The following GBE1 variants were observed in gnomAD, a reference collection of about 807,000 sequenced individuals.
GBE1 encodes the protein 1,4-alpha-glucan-branching enzyme.
In GBE1, 70 loss-of-function variants were observed where a neutral mutation model predicts 88.8. The observed-to-expected ratio is 0.79, with a 90% CI of 0.65 to 0.96. The LOEUF is 0.96. Among genes scored for constraint, GBE1 ranks in the 40% least tolerant of loss-of-function variants. GBE1 has a pLI of 0.00. For missense variants in GBE1, 872 were observed against 871.0 expected (o/e 1.00, Z -0.01); for synonymous variants, 284 against 300.1 (o/e 0.95, Z 0.56).
In GBE1 at chr3:81,750,607, A is replaced by G. The variant is rs1487205038; in HGVS notation, c.143+10768T>C. Among the ~76,000 whole-genome samples, 10 of 80,138 alleles carry G rather than the reference A, an allele frequency of 1.2e-4. 2 individuals carry two copies. The South Asian group carries it at 2.2e-3, about 18-fold the overall frequency. The allele number at this position is 80,138 out of a possible 152,430, so 52.6% of individuals were successfully genotyped here. A position where few individuals can be genotyped will look rare whatever the true frequency, so the allele number is the denominator to read the frequency against. ...TATATACGTATATATATATGTGTAT[A>G]TATATATATGTATATATATATACGT... On this transcript the variant is annotated intron_variant, in intron 1 of 15. Transcript: ENST00000429644.
At chr3:81,619,979 C>T (rs952400415) in intron 7 of GBE1, among the ~76,000 whole-genome samples, 1 of 151,764 alleles carries the variant, frequency 6.6e-6, no homozygotes, top group South Asian at 2.1e-4. Flanking sequence ...AAAACATATA[C>T]ATTTATGAGC....
intron 7 of GBE1, among the ~76,000 whole-genome samples, chr3:81,625,183 C>CTTGATAGAAGA (rs1483989539): frequency 1.3e-5 from 2 of 151,912 alleles, no homozygotes; most frequent in Non-Finnish European, 2.9e-5. Flanking sequence ...TCACTCCTGC[C>CTTGATAGAAGA]TTGATAGAAG....
intron 1 of GBE1, among the ~76,000 whole-genome samples, chr3:81,750,525 A>ATATATATATATACG (rs1294060859): frequency 1.2e-5 from 1 of 80,742 alleles, no homozygotes; most frequent in Non-Finnish European, 2.1e-5. Flanking sequence ...CAAAACATTC[A>ATATATATATATACG]TATATATATA....
intron 1 of GBE1, among the ~76,000 whole-genome samples, chr3:81,750,583 ATATACG>A (rs1156807549): frequency 0.012 from 689 of 58,932 alleles, 75 homozygotes; most frequent in East Asian, 0.073. Flanking sequence ...ATACGTATAT[ATATACG>A]TATATATATA....
intron 1 of GBE1, among the ~76,000 whole-genome samples, chr3:81,749,229 A>C (rs1365013493): frequency 1.3e-5 from 2 of 152,108 alleles, no homozygotes; most frequent in Non-Finnish European, 2.9e-5. Flanking sequence ...AACAAACTGG[A>C]TGGATGGTAC....
intron 7 of GBE1, chr3:81,613,010 G>T: frequency 1.8e-6 from 1 of 546,804 alleles, no homozygotes; most frequent in South Asian, 1.9e-5. Context: ...TAGGGGATAA[G>T]GATGAAGGTG....
Position 81,548,411 on chromosome 3 carries a change from A to G in GBE1, c.1619-11316T>C. ...CAAAAATCATACAGGAAGCACTGTC[A>G]CATGTGAAATAGTGTTTGGCTTTCT... is the stretch of plus-strand genomic sequence containing the variant. On this transcript the variant is annotated intron_variant, in intron 12 of 15. Coordinates refer to ENST00000429644, the MANE Select transcript of GBE1 (RefSeq NM_000158.4). 1.3e-5 allele frequency among the ~76,000 whole-genome samples: 2 copies of G among 151,488 alleles called. 1 individual carries two copies.
intron 12 of GBE1, among the ~76,000 whole-genome samples, chr3:81,559,221 C>T (rs974996042): frequency 1.3e-5 from 2 of 151,902 alleles, no homozygotes; most frequent in Non-Finnish European, 2.9e-5. Context: ...AATGCGAATG[C>T]CTAGGCTAGG....
intron 2 of GBE1, among the ~76,000 whole-genome samples, chr3:81,690,559 T>C (rs1705505503): frequency 6.6e-6 from 1 of 152,210 alleles, no homozygotes; most frequent in South Asian, 2.1e-4. Flanking sequence ...TAGTAAATTT[T>C]TCCAATATAT....
chr3:81,733,561 C>A lies in GBE1; in HGVS notation c.143+27814G>T, dbSNP rs958953426. ...GTAGAGGCTTTTGCACTGGCCATTT[C>A]TTAGGTCTGGTACACTCTTCCACCA... On this transcript the variant is annotated intron_variant, in intron 1 of 15. Coordinates refer to ENST00000429644, the MANE Select transcript of GBE1 (RefSeq NM_000158.4). The surrounding 1 kb of genome is among the most constrained non-coding windows in gnomAD (Gnocchi z 4.0). Among the ~76,000 whole-genome samples, 1 of 152,006 alleles carries A rather than the reference C, an allele frequency of 6.6e-6. No homozygotes were observed. The highest frequency in any genetic ancestry group is 1.5e-5 in the Non-Finnish European group (1 of 67,980).
At chr3:81,759,129 G>C (rs759001226) in intron 1 of GBE1, among the ~76,000 whole-genome samples, 1 of 152,152 alleles carries the variant, frequency 6.6e-6, no homozygotes, top group East Asian at 1.9e-4. Flanking sequence ...TCTTCCTTTT[G>C]TAAATTGCCC....
At chr3:81,602,064 T>C (rs1704040249) in intron 7 of GBE1, among the ~76,000 whole-genome samples, 1 of 152,186 alleles carries the variant, frequency 6.6e-6, no homozygotes, top group South Asian at 2.1e-4. Flanking sequence ...AGTATGAGAC[T>C]GTATTGAGAG....
rs397990331 is a variant in GBE1, at chr3:81,710,232, C to CTT, written c.144-4621_144-4620dup. Among the ~76,000 whole-genome samples, 49 of 93,226 alleles carry CTT rather than the reference C, an allele frequency of 5.3e-4. 3 individuals carry two copies. The highest frequency in any genetic ancestry group is 1.1e-3 in the South Asian group (3 of 2,784). The allele number at this position is 93,226 out of a possible 152,430, so 61.2% of individuals were successfully genotyped here. Reference sequence around the variant, plus strand: ...TTGTTTTACTCTTAAGGTAATTAATCTTTTTTTTTTTTTTTTTTTTGAGAC... The same window carrying CTT: ...TTGTTTTACTCTTAAGGTAATTAATCTTTTTTTTTTTTTTTTTTTTTTGAGAC... On this transcript the variant is annotated intron_variant, in intron 1 of 15. Coordinates refer to ENST00000429644, the MANE Select transcript of GBE1 (RefSeq NM_000158.4).
intron 7 of GBE1, among the ~76,000 whole-genome samples, chr3:81,606,539 A>T (rs1416050800): frequency 1.3e-5 from 2 of 152,232 alleles, no homozygotes. Flanking sequence ...GTATAATCTG[A>T]TCCAGTCTAA....
At chr3:81,602,183 A>G (rs1045405849) in intron 7 of GBE1, among the ~76,000 whole-genome samples, 1 of 152,192 alleles carries the variant, frequency 6.6e-6, no homozygotes, top group African/African-American at 2.4e-5. Flanking sequence ...ATTCAAAGTT[A>G]TTGGAAATCA....
chr3:81,630,910 G>C (rs1480753402), intron 7 of GBE1, among the ~76,000 whole-genome samples: 1 of 152,122 alleles, frequency 6.6e-6, no homozygotes, highest in Non-Finnish European at 1.5e-5. Flanking sequence ...AAATATATAA[G>C]ATGTTCCCTA....
rs538601400 is a variant in GBE1 at position 81,686,930 on chromosome 3, A to G, written c.314-15977T>C. Among the ~76,000 whole-genome samples the G allele has an allele frequency of 3.0e-4, 45 of 152,270 alleles. No individual in the cohort carries two copies. The South Asian group carries it at 3.7e-3, about 13-fold the overall frequency. ...AATATATATAAAAGTATATACATAC[A>G]CTTTTTTAACTTACAATTTTGTAAC... is the stretch of plus-strand genomic sequence containing the variant. On this transcript the variant is annotated intron_variant, in intron 2 of 15. Transcript: ENST00000429644.
chr3:81,712,250 C>G (rs1217048139), intron 1 of GBE1, among the ~76,000 whole-genome samples: 2 of 152,152 alleles, frequency 1.3e-5, no homozygotes, highest in African/African-American at 4.8e-5. Context: ...GTGGCGATTC[C>G]CCAAGGATCT....
chr3:81,742,478 T>C (rs1351290279), intron 1 of GBE1, among the ~76,000 whole-genome samples: 1 of 152,144 alleles, frequency 6.6e-6, no homozygotes, highest in Non-Finnish European at 1.5e-5. Context: ...TTCCCCTTAG[T>C]AATAAAAATG....
Sources: allele counts gnomAD v4.1 joint callset (sites outside exome capture counted in the v4.1 genomes callset), GRCh38; gene constraint gnomAD v4.1.1; non-coding constraint Gnocchi (gnomAD v3.1); transcripts MANE v1.5; gene names NCBI Gene and HGNC (gene_info 2026-07-23, HGNC 2026-07-21).